The following MTMR10 variants were observed in gnomAD, a reference collection of about 807,000 sequenced individuals.
MTMR10 encodes the protein myotubularin-related protein 10.
In MTMR10, 56 loss-of-function variants were observed where a neutral mutation model predicts 88.1. That is an observed-to-expected ratio of 0.64 (90% CI 0.51 to 0.79). The LOEUF (loss-of-function observed/expected upper bound fraction) is 0.79. Among genes scored for constraint, MTMR10 ranks in the 30% least tolerant of loss-of-function variants. The pLI is 0.00. For synonymous variants in MTMR10, 380 were observed against 340.9 expected, an observed-to-expected ratio of 1.11 and a Z score of -1.26; for missense variants, 883 against 924.7, an observed-to-expected ratio of 0.95 and a Z score of 0.58.
chr15:30,933,323 T>G, the MTMR10 span, among the ~76,000 whole-genome samples: 1 of 152,238 alleles, frequency 6.6e-6, no homozygotes, highest in East Asian at 1.9e-4. Flanking sequence ...GTAGTTGTTT[T>G]CATTTTCATT....
At chr15:30,945,088 A>G (rs982527153) in intron 14 of MTMR10, among the ~76,000 whole-genome samples, 2 of 152,120 alleles carry the variant, frequency 1.3e-5, no homozygotes, top group African/African-American at 4.8e-5. Context: ...CAGATTTTCT[A>G]TAAACACTAC....
intron 2 of MTMR10, among the ~76,000 whole-genome samples, chr15:30,988,949 C>G (rs999129514): frequency 2.1e-5 from 3 of 142,358 alleles, no homozygotes; most frequent in Non-Finnish European, 3.0e-5. Context: ...GAGATCACGC[C>G]ACTGCACTCC....
At chr15:30,970,803 G>A (rs1462829210) in intron 5 of MTMR10, among the ~76,000 whole-genome samples, 1 of 152,032 alleles carries the variant, frequency 6.6e-6, no homozygotes, top group Non-Finnish European at 1.5e-5. Flanking sequence ...ATCACATCAG[G>A]TTAGGAAACA....
rs1278347545 is a variant in MTMR10 at position 30,942,665 on chromosome 15, A to G, written c.1731+225T>C. The G allele has an allele frequency of 6.0e-6, 3 of 497,362 alleles. No homozygotes were observed. The Admixed American group carries it at 1.1e-4, about 18-fold the overall frequency. 30.8% of individuals were successfully genotyped at this position (497,362 alleles called of 1,614,324 possible). On this transcript the variant is annotated intron_variant, in intron 15 of 15. Transcript: ENST00000435680. ...TTTAGTAAATCAGGCTTGCAGGCTC[A>G]AAGCTGCAATCTGCCCACTCTCAGG...
chr15:30,946,369 A>G (rs2949569), intron 14 of MTMR10: 92,657 of 211,458 alleles, frequency 0.44, 22,029 homozygotes, highest in East Asian at 0.86. Flanking sequence ...ACAGGTTAGC[A>G]ACCTGGACTC....
chr15:30,929,565 CTTTATTATATT>C, the MTMR10 span, among the ~76,000 whole-genome samples: 4 of 115,214 alleles, frequency 3.5e-5, no homozygotes, highest in African/African-American at 9.5e-5. Flanking sequence ...TATATTATAT[CTTTATTATATT>C]TATTATATTA....
chr15:30,943,372 T>G (rs2293320), intron 14 of MTMR10: 750,380 of 984,644 alleles, frequency 0.76, 288,526 homozygotes, highest in East Asian at 0.87. Context: ...AACATGATAC[T>G]AGAAAGTCTT....
chr15:30,960,275 G>C (rs2063383487), intron 7 of MTMR10, among the ~76,000 whole-genome samples: 1 of 148 alleles, frequency 6.8e-3, no homozygotes, highest in Non-Finnish European at 0.014. Context: ...CAATGAGAGA[G>C]ACACAGCCCA....
chr15:30,979,981 T>C (rs1018587109), intron 2 of MTMR10, among the ~76,000 whole-genome samples: 2 of 152,372 alleles, frequency 1.3e-5, no homozygotes, highest in African/African-American at 4.8e-5. Context: ...AGCTGAGTAC[T>C]TGAAACAAAT....
chr15:30,928,996 A>T, the MTMR10 span, among the ~76,000 whole-genome samples: 2 of 152,340 alleles, frequency 1.3e-5, no homozygotes, highest in South Asian at 4.1e-4. Flanking sequence ...AGGTCCACCC[A>T]GCTAAGCGAA....
Position 30,968,113 on chromosome 15 carries a change from T to C in MTMR10, c.475-103A>G, listed in dbSNP as rs2063493362. The stretch of plus-strand genomic sequence containing the variant: ...GGGAGCATCATCTTGGGGCAGTGAT[T>C]ATAGATACTATTTACATGTTTTTCT... On this transcript the variant is annotated intron_variant, in intron 5 of 15. Transcript: ENST00000435680. The C allele has an allele frequency of 7.9e-6, 6 of 755,042 alleles. No homozygotes were observed. In the South Asian group the frequency reaches 9.6e-5, roughly 12 times the overall value. The allele number at this position is 755,042 out of a possible 1,614,324, so 46.8% of individuals were successfully genotyped here. A position where few individuals can be genotyped will look rare whatever the true frequency, so the allele number is the denominator to read the frequency against.
At chr15:30,943,674 G>C in intron 14 of MTMR10, 1 of 985,380 alleles carries the variant, frequency 1.0e-6, no homozygotes, top group South Asian at 4.7e-5. Context: ...TCCTTCACAG[G>C]AGTCCACCTC....
At chr15:30,929,140 G>A in the MTMR10 span, 1 of 1,455,122 alleles carries the variant, frequency 6.9e-7, no homozygotes, top group Non-Finnish European at 9.5e-7. Context: ...GTACTGACTA[G>A]TCCTCTGGTG....
chr15:30,952,400 T>C (rs926876559), intron 11 of MTMR10, among the ~76,000 whole-genome samples: 1 of 152,240 alleles, frequency 6.6e-6, no homozygotes, highest in Non-Finnish European at 1.5e-5. Context: ...GGCTCTCATT[T>C]TGTCACCCAC....
At chr15:30,988,163 G>A (rs2031074392) in intron 2 of MTMR10, among the ~76,000 whole-genome samples, 1 of 152,168 alleles carries the variant, frequency 6.6e-6, no homozygotes, top group Non-Finnish European at 1.5e-5. Flanking sequence ...AGCAGTGAGA[G>A]ATGTGACAGG....
downstream of MTMR10, among the ~76,000 whole-genome samples, chr15:30,936,164 A>G (rs2062847442): frequency 6.6e-6 from 1 of 152,212 alleles, no homozygotes; most frequent in Admixed American, 6.5e-5. Context: ...AACAAAACAC[A>G]CAATTCTTGC....
intron 5 of MTMR10, chr15:30,968,341 T>C (rs1164924933): frequency 5.1e-6 from 1 of 196,066 alleles, no homozygotes; most frequent in Non-Finnish European, 1.0e-5. Context: ...AGTGACTACA[T>C]GTCCACTCCA....
chr15:30,984,955 C>G (rs532995357), intron 2 of MTMR10, among the ~76,000 whole-genome samples: 6 of 152,314 alleles, frequency 3.9e-5, no homozygotes, highest in South Asian at 2.1e-4. Context: ...TCTACTGAAG[C>G]ATCTCTCCAG....
At position 30,974,994 on chromosome 15, in the gene MTMR10, A is replaced by T. The variant is rs894122496; in HGVS notation, c.268T>A (p.Tyr90Asn). The change falls in exon 4 of 16, where the codon TAC (tyrosine) becomes AAC (asparagine). Residue 90 changes from tyrosine (Y) to asparagine (N), a missense_variant. Tyr to Asn is a moderately radical substitution (Grantham distance 143). This residue lies in a region of MTMR10 where 414 missense variants were observed against 423.2 expected (regional missense o/e 0.98). Transcript: ENST00000435680. The part of the protein sequence containing the change: ...DDPMPLQKFH[Y>N]RNLLLGEHDV... ...TGTTCACCAAGAAGAAGGTTTCTGT[A>T]ATGGAATTTCTGGAATAAAAAATTA... is the stretch of plus-strand genomic sequence containing the variant. The T allele has an allele frequency of 6.4e-7, 1 of 1,565,872 alleles. No individual in the cohort carries two copies. Among genetic ancestry groups the T allele is most frequent in the Non-Finnish European group, 8.7e-7 (1 of 1,153,002 alleles).
Sources: allele counts gnomAD v4.1 joint callset (sites outside exome capture counted in the v4.1 genomes callset), GRCh38; gene constraint gnomAD v4.1.1; regional missense constraint gnomAD v4.1.1; transcripts MANE v1.5; gene names NCBI Gene and HGNC (gene_info 2026-07-23, HGNC 2026-07-21).